NAT1: variants seen among roughly 807,000 people sequenced by gnomAD.
NAT1 encodes N-acetyltransferase 1.
For missense variants in NAT1, 400 were observed against 339.2 expected (o/e 1.18, Z -1.41); for synonymous variants, 144 against 122.6 (o/e 1.17, Z -1.16).
chr8:18,208,569 A>G (rs1459430385), upstream of NAT1, among the ~76,000 whole-genome samples: 3 of 152,228 alleles, frequency 2.0e-5, no homozygotes, highest in Non-Finnish European at 4.4e-5. Context: ...GTGGCCAAAT[A>G]GAACCTTCCA....
Position 18,222,886 on chromosome 8 carries a change from T to C in NAT1, c.839T>C (p.Val280Ala). Residue 280 changes from valine (V) to alanine (A), a missense_variant, in exon 3 of 3, where the codon GTG becomes GCG. Val to Ala is a moderately conservative substitution (Grantham distance 64). Transcript: ENST00000307719. ...IFNISLQRKLVPKHGDRFFTI is the reference protein window; with the variant it reads ...IFNISLQRKLAPKHGDRFFTI Reference sequence around the variant, plus strand: ...AATATTTCCTTGCAGAGAAAGCTTGTGCCCAAACATGGTGATAGATTTTTT... The same window carrying C: ...AATATTTCCTTGCAGAGAAAGCTTGCGCCCAAACATGGTGATAGATTTTTT... 1 of 1,574,190 alleles carries C rather than the reference T, an allele frequency of 6.4e-7. No homozygotes were observed. Among genetic ancestry groups the C allele is most frequent in the Non-Finnish European group, 8.6e-7 (1 of 1,166,434 alleles).
intron 2 of NAT1, among the ~76,000 whole-genome samples, chr8:18,203,734 T>C (rs958880675): frequency 2.6e-5 from 4 of 152,284 alleles, no homozygotes; most frequent in Admixed American, 6.5e-5. Flanking sequence ...GCCGTCCTTG[T>C]GATATAGGAG....
intron 2 of NAT1, among the ~76,000 whole-genome samples, chr8:18,185,061 A>G (rs896788982): frequency 1.4e-5 from 1 of 70,452 alleles, no homozygotes; most frequent in Non-Finnish European, 2.5e-5. Flanking sequence ...AGGTTTCAGG[A>G]GTGCTTGTTT....
intron 2 of NAT1, among the ~76,000 whole-genome samples, chr8:18,193,348 C>T (rs1056145963): frequency 6.7e-6 from 1 of 149,248 alleles, no homozygotes; most frequent in Non-Finnish European, 1.5e-5. Context: ...CCTGTAGCTA[C>T]TTGGGAGGCA....
intron 2 of NAT1, among the ~76,000 whole-genome samples, chr8:18,194,262 T>C (rs894104501): frequency 2.6e-5 from 4 of 152,156 alleles, no homozygotes; most frequent in Admixed American, 2.0e-4. Context: ...GGCATTTTCT[T>C]TGAAGAGTGA....
intron 2 of NAT1, among the ~76,000 whole-genome samples, chr8:18,199,377 G>C (rs981353196): frequency 2.0e-5 from 3 of 148,596 alleles, no homozygotes; most frequent in African/African-American, 5.0e-5. Context: ...CGTGATTTTT[G>C]CCTCTGTAAC....
In NAT1 at chr8:18,222,679, C is replaced by T. The variant is rs1563199833; in HGVS notation, c.632C>T (p.Thr211Ile). 6.2e-7 allele frequency: 1 copy of T among 1,614,026 alleles called. No individual in the cohort carries two copies. Among genetic ancestry groups the T allele is most frequent in the Non-Finnish European group, 8.5e-7 (1 of 1,179,984 alleles). The change falls in exon 3 of 3, where the codon ACA becomes ATA. Residue 211 changes from threonine (T) to isoleucine (I), a missense_variant. Physicochemically the swap from Thr to Ile is moderately conservative, Grantham distance 89. Transcript: ENST00000307719. ...DFESMNTYLQ[T>I]SPSSVFTSKS... ...GAGTCTATGAATACATACCTGCAGA[C>T]ATCTCCATCATCTGTGTTTACTAGT...
intron 2 of NAT1, among the ~76,000 whole-genome samples, chr8:18,220,635 C>T (rs1421687778): frequency 6.6e-6 from 1 of 152,032 alleles, no homozygotes; most frequent in Non-Finnish European, 1.5e-5. Context: ...CTCATTCTAC[C>T]TTCTGTTGTT....
At position 18,177,718 on chromosome 8, in the gene NAT1, C is replaced by T. The variant is rs544815453; in HGVS notation, n.92+6979C>T. On this transcript the variant is annotated intron_variant and non_coding_transcript_variant, in intron 2 of 4. Coordinates refer to the NAT1 transcript ENST00000517441. Reference sequence around the variant, plus strand: ...CCTTTCAGATTTGCTCATCATTTTCCTTAGCTGGAATCAGAAGAATAGAAG... The same window carrying T: ...CCTTTCAGATTTGCTCATCATTTTCTTTAGCTGGAATCAGAAGAATAGAAG... Among the ~76,000 whole-genome samples, 3 of 152,150 alleles carry T rather than the reference C, an allele frequency of 2.0e-5. No homozygotes were observed. In the South Asian group the frequency reaches 6.2e-4, roughly 32 times the overall value.
intron 2 of NAT1, among the ~76,000 whole-genome samples, chr8:18,188,184 G>T (rs1245056347): frequency 1.3e-5 from 2 of 152,198 alleles, no homozygotes; most frequent in Non-Finnish European, 2.9e-5. Flanking sequence ...CTGTATGTAT[G>T]TGATTTCACA....
exon 2 of NAT1, chr8:18,170,680 T>G (rs574306604): frequency 3.9e-5 from 6 of 152,294 alleles, no homozygotes; most frequent in African/African-American, 1.4e-4. Flanking sequence ...CTTTAACAGA[T>G]TGACCCAGTC....
chr8:18,217,232 C>T (rs1217626648), intron 1 of NAT1, among the ~76,000 whole-genome samples: 1 of 152,186 alleles, frequency 6.6e-6, no homozygotes, highest in Non-Finnish European at 1.5e-5. Context: ...GCCTGCCAGT[C>T]CCCGAAATCC....
chr8:18,210,608 C>T (rs571785302), intron 1 of NAT1, among the ~76,000 whole-genome samples: 3 of 152,328 alleles, frequency 2.0e-5, no homozygotes, highest in African/African-American at 7.2e-5. Flanking sequence ...GCTCACCCTC[C>T]TCTGTCCCCA....
intron 2 of NAT1, among the ~76,000 whole-genome samples, chr8:18,204,655 G>A (rs60455987): frequency 0.11 from 16,082 of 152,070 alleles, 2,237 homozygotes; most frequent in African/African-American, 0.32. Flanking sequence ...TACAGATATA[G>A]ACAGTTCAAA....
At chr8:18,191,281 T>C (rs1004270528) in intron 2 of NAT1, among the ~76,000 whole-genome samples, 9 of 152,130 alleles carry the variant, frequency 5.9e-5, no homozygotes, top group Non-Finnish European at 1.2e-4. Flanking sequence ...CACAACAAAA[T>C]AATAGGTTTT....
At chr8:18,202,961 G>A (rs978376414) in intron 2 of NAT1, among the ~76,000 whole-genome samples, 9 of 152,108 alleles carry the variant, frequency 5.9e-5, no homozygotes, top group East Asian at 5.8e-4. Flanking sequence ...CTGATTGGTC[G>A]ATTTTACAGA....
rs1281935261 is a variant in NAT1 at position 18,223,530 on chromosome 8, C to A, written c.*610C>A. The A allele has an allele frequency of 6.0e-6, 1 of 166,908 alleles. No individual in the cohort carries two copies. Among genetic ancestry groups the A allele is most frequent in the Non-Finnish European group, 1.5e-5 (1 of 68,082 alleles). 10.3% of individuals were successfully genotyped at this position (166,908 alleles called of 1,614,324 possible). A position where few individuals can be genotyped will look rare whatever the true frequency, so the allele number is the denominator to read the frequency against. ...TTACTTTTTAGATCTGTAGCTCTGA[C>A]TCCTCAGGCATAAAATGGGAATAAT... On this transcript the variant is annotated 3_prime_UTR_variant, in exon 3 of 3. Coordinates refer to ENST00000307719, the MANE Select transcript of NAT1 (RefSeq NM_000662.8).
At position 18,212,838 on chromosome 8, in the gene NAT1, G is replaced by A. The variant is rs190720583; in HGVS notation, c.-86+2658G>A. On this transcript the variant is annotated intron_variant, in intron 1 of 2. Transcript: ENST00000307719. The stretch of plus-strand genomic sequence containing the variant: ...TCCTCAATCCTTGCCAGCCAGCCCC[G>A]TCTTCCCTCTTAGGTACCCTGAGCA... 171 of 152,336 alleles carry A rather than the reference G, an allele frequency of 1.1e-3. 1 individual carries two copies. In the East Asian group the frequency reaches 0.015, roughly 13 times the overall value. 9.4% of individuals were successfully genotyped at this position (152,336 alleles called of 1,614,324 possible). A position where few individuals can be genotyped will look rare whatever the true frequency, so the allele number is the denominator to read the frequency against.
chr8:18,183,665 A>G (rs1037880609), intron 2 of NAT1, among the ~76,000 whole-genome samples: 1 of 152,182 alleles, frequency 6.6e-6, no homozygotes, highest in Non-Finnish European at 1.5e-5. Context: ...TCATCCTGAG[A>G]CGAATCCCCT....
Sources: allele counts gnomAD v4.1 joint callset (sites outside exome capture counted in the v4.1 genomes callset), GRCh38; gene constraint gnomAD v4.1.1; transcripts MANE v1.5; gene names NCBI Gene and HGNC (gene_info 2026-07-23, HGNC 2026-07-21).